SLIT2: variants seen among roughly 807,000 people sequenced by gnomAD.
The protein encoded by SLIT2 is slit homolog 2 protein.
A neutral mutation model predicts 185.7 loss-of-function variants in SLIT2; 41 were observed. That is an observed-to-expected ratio of 0.22 (90% CI 0.17 to 0.29). The LOEUF is 0.29. SLIT2 is among the 10% of genes least tolerant of loss of function. SLIT2 has a pLI of 1.00. For synonymous variants in SLIT2, 693 were observed against 680.2 expected, an observed-to-expected ratio of 1.02 and a Z score of -0.29; for missense variants, 1,571 against 1,909.0, an observed-to-expected ratio of 0.82 and a Z score of 3.30.
At chr4:20,488,509 T>A (rs1346545625) in intron 7 of SLIT2, among the ~76,000 whole-genome samples, 1 of 152,128 alleles carries the variant, frequency 6.6e-6, no homozygotes, top group Non-Finnish European at 1.5e-5. Flanking sequence ...GCTCTCAGGA[T>A]GTTGGAACTG....
rs1226330701 is a variant in SLIT2, at chr4:20,251,929, C to T, written c.-1887C>T. On this transcript the variant is annotated 5_prime_UTR_variant, in exon 1 of 37. Transcript: ENST00000504154. ...GACTTGGTGTTATTTATTTGGGAAGCGCCCGGACGGCGGAGCTTGGCGGCG... is the reference window on the plus strand; with the variant it reads ...GACTTGGTGTTATTTATTTGGGAAGTGCCCGGACGGCGGAGCTTGGCGGCG... 3.9e-5 allele frequency among the ~76,000 whole-genome samples: 6 copies of T among 152,138 alleles called. No homozygotes were observed. The highest frequency in any genetic ancestry group is 6.5e-5 in the Admixed American group (1 of 15,284).
chr4:20,421,204 A>G (rs1447207885), intron 4 of SLIT2, among the ~76,000 whole-genome samples: 2 of 152,200 alleles, frequency 1.3e-5, no homozygotes, highest in Non-Finnish European at 2.9e-5. Context: ...GGATGTCATT[A>G]TTGAAAAATA....
intron 16 of SLIT2, among the ~76,000 whole-genome samples, chr4:20,531,126 G>A (rs547121472): frequency 2.0e-5 from 3 of 152,064 alleles, no homozygotes; most frequent in African/African-American, 7.2e-5. Context: ...CCCCTCCTAT[G>A]TATATGTCCA....
At chr4:20,361,085 T>C (rs940398321) in intron 4 of SLIT2, among the ~76,000 whole-genome samples, 2 of 152,156 alleles carry the variant, frequency 1.3e-5, no homozygotes, top group African/African-American at 4.8e-5. Context: ...AGGACATCCT[T>C]TGTTTTACAG....
chr4:20,303,311 A>G (rs1717234524), intron 4 of SLIT2, among the ~76,000 whole-genome samples: 2 of 152,216 alleles, frequency 1.3e-5, no homozygotes, highest in Admixed American at 1.3e-4. Flanking sequence ...ACTGAAACAA[A>G]GTGCAGTGGC....
At chr4:20,419,776 C>T (rs1728023894) in intron 4 of SLIT2, among the ~76,000 whole-genome samples, 1 of 150,912 alleles carries the variant, frequency 6.6e-6, no homozygotes, top group African/African-American at 2.4e-5. Context: ...ATTCCGATTA[C>T]AGCTTGCATT....
intron 25 of SLIT2, among the ~76,000 whole-genome samples, chr4:20,552,242 G>C (rs1038564510): frequency 5.9e-5 from 9 of 152,098 alleles, no homozygotes; most frequent in African/African-American, 2.2e-4. Flanking sequence ...ATCAGAAAAG[G>C]CTTCACAGGA....
At chr4:20,554,026 A>G (rs948758299) in intron 26 of SLIT2, 58 bp downstream of exon 26, 61 of 1,359,622 alleles carry the variant, frequency 4.5e-5, no homozygotes, top group Non-Finnish European at 6.1e-5. Flanking sequence ...GTAAAAAAGA[A>G]AAAGACAACC....
intron 4 of SLIT2, among the ~76,000 whole-genome samples, chr4:20,419,623 A>G (rs896732957): frequency 1.3e-5 from 2 of 150,714 alleles, no homozygotes; most frequent in African/African-American, 4.9e-5. Context: ...AATGGGGAAG[A>G]TGGCATATAC....
intron 4 of SLIT2, among the ~76,000 whole-genome samples, chr4:20,279,537 T>C (rs562789835): frequency 1.3e-5 from 2 of 152,260 alleles, no homozygotes; most frequent in East Asian, 3.9e-4. Flanking sequence ...CATTATAATG[T>C]GGTACAGATG....
At chr4:20,573,251 G>T (rs1725770599) in intron 29 of SLIT2, 1 of 702,828 alleles carries the variant, frequency 1.4e-6, no homozygotes, top group Non-Finnish European at 2.6e-6. Flanking sequence ...TCTGAATGAG[G>T]TGGAAAAAGG....
Position 20,467,761 on chromosome 4 carries a change from T to A in SLIT2, c.405T>A (p.Ser135Arg). The A allele has an allele frequency of 1.3e-6, 2 of 1,594,642 alleles. No individual in the cohort carries two copies. The highest frequency in any genetic ancestry group is 1.7e-6 in the Non-Finnish European group (2 of 1,167,556). ...TTGTTGTTGTTTTTAGTGATCTCAG[T>A]GAAAACCAAATTCAGGCAATCCCAA... ...GTAKLYRLDL[S>R]ENQIQAIPRK... The change falls in exon 5 of 37, where the codon AGT (serine) becomes AGA (arginine). Residue 135 changes from serine to arginine, a missense_variant. Physicochemically the swap from Ser to Arg is moderately radical, Grantham distance 110. Coordinates refer to ENST00000504154, the MANE Select transcript of SLIT2 (RefSeq NM_004787.4).
intron 11 of SLIT2, among the ~76,000 whole-genome samples, chr4:20,514,601 C>T (rs1720036050): frequency 6.6e-6 from 1 of 152,064 alleles, no homozygotes; most frequent in South Asian, 2.1e-4. Flanking sequence ...GCCAAGATTG[C>T]ACCACTGCAC....
intron 4 of SLIT2, among the ~76,000 whole-genome samples, chr4:20,338,868 C>T (rs987190612): frequency 3.3e-5 from 5 of 151,784 alleles, no homozygotes; most frequent in Admixed American, 6.6e-5. Flanking sequence ...GCAGGAGGAT[C>T]GCTTGAGTCC....
chr4:20,499,742 C>T (rs1325802910), intron 9 of SLIT2, among the ~76,000 whole-genome samples: 4 of 152,114 alleles, frequency 2.6e-5, no homozygotes, highest in Non-Finnish European at 5.9e-5. Flanking sequence ...CCTGCCTCAG[C>T]CTCCCAAAGT....
At chr4:20,606,493 A>AT (rs200834408) in intron 33 of SLIT2, among the ~76,000 whole-genome samples, 1 of 151,692 alleles carries the variant, frequency 6.6e-6, no homozygotes. Context: ...AAAAAAAAAA[A>AT]GGAATCTAAA....
intron 33 of SLIT2, among the ~76,000 whole-genome samples, chr4:20,603,216 A>G (rs982365465): frequency 7.9e-5 from 12 of 152,206 alleles, no homozygotes; most frequent in African/African-American, 2.4e-4. Flanking sequence ...CGAAAGGGGA[A>G]AACTCCAGTA....
chr4:20,309,013 T>A (rs1271278300), intron 4 of SLIT2, among the ~76,000 whole-genome samples: 1 of 152,166 alleles, frequency 6.6e-6, no homozygotes, highest in Non-Finnish European at 1.5e-5. Context: ...TAAGGTATTT[T>A]AGGATTCTGT....
intron 4 of SLIT2, among the ~76,000 whole-genome samples, chr4:20,361,788 T>C (rs988446066): frequency 1.3e-5 from 2 of 152,114 alleles, no homozygotes; most frequent in Non-Finnish European, 2.9e-5. Flanking sequence ...TTTTTAATTT[T>C]TTATTTCTTT....
Sources: allele counts gnomAD v4.1 joint callset (sites outside exome capture counted in the v4.1 genomes callset), GRCh38; gene constraint gnomAD v4.1.1; transcripts MANE v1.5; gene names NCBI Gene and HGNC (gene_info 2026-07-23, HGNC 2026-07-21).